BCL2L1: variants seen among roughly 807,000 people sequenced by gnomAD.
The protein encoded by BCL2L1 is bcl-2-like protein 1.
In BCL2L1, 1 loss-of-function variant was observed where a neutral mutation model predicts 18.7. The observed-to-expected ratio is 0.05, with a 90% CI of 0.02 to 0.25. The LOEUF is 0.25. BCL2L1 is among the 10% of genes least tolerant of loss of function. The pLI is 1.00. For synonymous variants in BCL2L1, 103 were observed against 122.7 expected (o/e 0.84, Z 1.06); for missense variants, 207 against 304.9 (o/e 0.68, Z 2.39).
intron 2 of BCL2L1, among the ~76,000 whole-genome samples, chr20:31,697,890 C>T (rs376291832): frequency 3.8e-5 from 3 of 78,814 alleles, no homozygotes; most frequent in Non-Finnish European, 2.4e-5. Flanking sequence ...TGTGCTGTTG[C>T]TGTTTTTTTT....
Position 31,666,210 on chromosome 20 carries a change from C to T in BCL2L1, c.565-124G>A, listed in dbSNP as rs1014089566. The T allele has an allele frequency of 4.7e-6, 6 of 1,263,880 alleles. No homozygotes were observed. The African/African-American group carries it at 8.8e-5, about 19-fold the overall frequency. 78.3% of individuals were successfully genotyped at this position (1,263,880 alleles called of 1,614,324 possible). A position where few individuals can be genotyped will look rare whatever the true frequency, so the allele number is the denominator to read the frequency against. On this transcript the variant is annotated intron_variant, in intron 2 of 2. Transcript: ENST00000307677. Reference sequence around the variant, plus strand: ...GAAAAACTGTAGCCATCTGTGCCCACTCTGGGCCAGGTAAAGGGCTAAGGG... The same window carrying T: ...GAAAAACTGTAGCCATCTGTGCCCATTCTGGGCCAGGTAAAGGGCTAAGGG...
intron 2 of BCL2L1, among the ~76,000 whole-genome samples, chr20:31,701,331 C>T (rs1390054480): frequency 1.3e-5 from 2 of 152,286 alleles, no homozygotes; most frequent in African/African-American, 4.8e-5. Context: ...GGATTACAGG[C>T]GTGAGCCACC....
intron 2 of BCL2L1, among the ~76,000 whole-genome samples, chr20:31,699,538 G>C (rs6088992): frequency 6.6e-6 from 1 of 152,326 alleles, no homozygotes; most frequent in African/African-American, 2.4e-5. Flanking sequence ...GAGTACAGTA[G>C]GTGTCCTTCA....
rs1471656715 is a variant in BCL2L1 at position 31,683,334 on chromosome 20, C to T, written c.565-17248G>A. 3.3e-5 allele frequency among the ~76,000 whole-genome samples: 5 copies of T among 152,196 alleles called. No homozygotes were observed. The East Asian group carries it at 9.6e-4, about 29-fold the overall frequency. On this transcript the variant is annotated intron_variant, in intron 2 of 2. Transcript: ENST00000307677. ...CCATAGACTGTTACATGGTTTCCTC[C>T]CTCAGACAGATCATGCAGATCTCTG...
chr20:31,683,189 T>G (rs1208842193), intron 2 of BCL2L1, among the ~76,000 whole-genome samples: 1 of 151,992 alleles, frequency 6.6e-6, no homozygotes, highest in African/African-American at 2.4e-5. Flanking sequence ...TCCAATCACT[T>G]CTCCTCTGCT....
chr20:31,673,288 G>A (rs567468715), intron 2 of BCL2L1, among the ~76,000 whole-genome samples: 73 of 151,932 alleles, frequency 4.8e-4, no homozygotes, highest in South Asian at 3.1e-3. Flanking sequence ...TGGCCAGGCT[G>A]GTCTGGAACT....
intron 2 of BCL2L1, chr20:31,713,247 C>T: frequency 1.0e-6 from 1 of 983,618 alleles, no homozygotes; most frequent in South Asian, 4.7e-5. Flanking sequence ...GGGTAATGGC[C>T]TGGCAGAACC....
chr20:31,698,584 G>T (rs946691810), intron 2 of BCL2L1, among the ~76,000 whole-genome samples: 3 of 151,840 alleles, frequency 2.0e-5, no homozygotes, highest in Non-Finnish European at 4.4e-5. Flanking sequence ...TGTCACCTAG[G>T]CTGGGGTATA....
At chr20:31,721,526 C>A (rs1032263058) in intron 2 of BCL2L1, 129 bp downstream of exon 2, 7 of 1,119,904 alleles carry the variant, frequency 6.3e-6, no homozygotes, top group Non-Finnish European at 8.7e-6. Context: ...TGAGGCCAGT[C>A]AGGTTTCCTC....
intron 2 of BCL2L1, among the ~76,000 whole-genome samples, chr20:31,692,248 T>C (rs1284936104): frequency 6.6e-6 from 1 of 152,260 alleles, no homozygotes; most frequent in Non-Finnish European, 1.5e-5. Context: ...AACATGTGCA[T>C]GTGCAGGAGA....
rs545052787 is a variant in BCL2L1 at position 31,672,187 on chromosome 20, G to A, written c.565-6101C>T. 6.6e-5 allele frequency among the ~76,000 whole-genome samples: 10 copies of A among 151,950 alleles called. No homozygotes were observed. In the East Asian group the frequency reaches 9.7e-4, roughly 15 times the overall value. ...GTGACAGAGAATATCTGGGGGAGCC[G>A]GGCACAATGACTCATACCTGTAATC... is the stretch of plus-strand genomic sequence containing the variant. On this transcript the variant is annotated intron_variant, in intron 2 of 2. Transcript: ENST00000307677.
At chr20:31,680,523 T>C (rs2060840811) in intron 2 of BCL2L1, among the ~76,000 whole-genome samples, 1 of 152,200 alleles carries the variant, frequency 6.6e-6, no homozygotes, top group African/African-American at 2.4e-5. Flanking sequence ...GATCTTTATC[T>C]TGGAAACAAA....
chr20:31,683,769 CAAAAAAAAAAAAAAAAAAAAAAAAA>C (rs372160646), intron 2 of BCL2L1, among the ~76,000 whole-genome samples: 3 of 80,714 alleles, frequency 3.7e-5, no homozygotes, highest in East Asian at 1.9e-3. Flanking sequence ...AACTCCATCT[CAAAAAAAAAAAAAAAAAAAAAAAAA>C]AAAAAAAAAA....
At chr20:31,696,632 C>A (rs1284891803) in intron 2 of BCL2L1, among the ~76,000 whole-genome samples, 1 of 152,174 alleles carries the variant, frequency 6.6e-6, no homozygotes, top group African/African-American at 2.4e-5. Context: ...TCATTAGAGG[C>A]CAGACACTGC....
At chr20:31,676,572 A>T (rs1356665931) in intron 2 of BCL2L1, among the ~76,000 whole-genome samples, 3 of 152,208 alleles carry the variant, frequency 2.0e-5, no homozygotes. Context: ...AGATGGCCAC[A>T]GCCCTCCATT....
chr20:31,687,472 G>A (rs957799570), intron 2 of BCL2L1, among the ~76,000 whole-genome samples: 13 of 151,746 alleles, frequency 8.6e-5, no homozygotes, highest in African/African-American at 3.1e-4. Context: ...TCAGGAGATC[G>A]AGACCATTCT....
chr20:31,691,623 C>T (rs1245962367), intron 2 of BCL2L1, among the ~76,000 whole-genome samples: 4 of 152,020 alleles, frequency 2.6e-5, no homozygotes, highest in African/African-American at 4.8e-5. Flanking sequence ...ACTCAAGAGG[C>T]TGAGGCAGAA....
At chr20:31,715,145 A>G (rs6060869) in intron 2 of BCL2L1, among the ~76,000 whole-genome samples, 63,738 of 151,742 alleles carry the variant, frequency 0.42, 17,067 homozygotes, top group African/African-American at 0.76. Flanking sequence ...GGTGGCGGGC[A>G]CCTGCAGTCC....
At chr20:31,696,778 G>T (rs551704547) in intron 2 of BCL2L1, among the ~76,000 whole-genome samples, 1 of 152,174 alleles carries the variant, frequency 6.6e-6, no homozygotes, top group South Asian at 2.1e-4. Context: ...CTAGTCGGCC[G>T]GGTGTGGTGG....
Sources: gnomAD v4.1 joint callset for allele counts (sites outside exome capture counted in the v4.1 genomes callset) on GRCh38, gnomAD v4.1.1 for gene constraint, MANE v1.5 for transcripts, NCBI Gene and HGNC (gene_info 2026-07-23, HGNC 2026-07-21) for gene names.